RABEPK: variants seen among roughly 807,000 people sequenced by gnomAD.
RABEPK encodes the protein 40 kDa Rab9 effector protein.
In RABEPK, 27 loss-of-function variants were observed where a neutral mutation model predicts 34.1. That is an observed-to-expected ratio of 0.79 (90% CI 0.58 to 1.09). The LOEUF (loss-of-function observed/expected upper bound fraction) is 1.09. Among genes scored for constraint, RABEPK ranks in the 50% least tolerant of loss-of-function variants. The probability of loss-of-function intolerance (pLI) is 0.00; values close to 1 mark genes in which losing one functional copy is unlikely to be tolerated. For synonymous variants in RABEPK, 172 were observed against 169.2 expected (o/e 1.02, Z -0.13); for missense variants, 449 against 462.6 (o/e 0.97, Z 0.27).
At chr9:125,230,872 G>A (rs115856379) in intron 6 of RABEPK, among the ~76,000 whole-genome samples, 1,918 of 152,040 alleles carry the variant, frequency 0.013, 41 homozygotes, top group African/African-American at 0.044. Context: ...CATTCCTTGC[G>A]GGCAGTCAGA....
At chr9:125,207,854 G>T in intron 3 of RABEPK, 133 bp downstream of exon 3, 1 of 1,098,540 alleles carries the variant, frequency 9.1e-7, no homozygotes, top group Non-Finnish European at 1.3e-6. Flanking sequence ...GACCAGGTGT[G>T]GTGGCTCACG....
chr9:125,216,476 T>G (rs1356834384), intron 4 of RABEPK, among the ~76,000 whole-genome samples: 7 of 152,158 alleles, frequency 4.6e-5, no homozygotes, highest in Non-Finnish European at 1.0e-4. Flanking sequence ...GACCAAATTT[T>G]CTTATATGTC....
At chr9:125,223,725 TAAAAA>T (rs35661565) in intron 5 of RABEPK, among the ~76,000 whole-genome samples, 61 of 119,700 alleles carry the variant, frequency 5.1e-4, no homozygotes, top group Admixed American at 7.0e-4. Context: ...ACCCTGACTC[TAAAAA>T]AAAAAAAAAA....
chr9:125,210,841 T>C (rs1437057957), intron 3 of RABEPK, among the ~76,000 whole-genome samples: 1 of 134,650 alleles, frequency 7.4e-6, no homozygotes, highest in East Asian at 2.2e-4. Flanking sequence ...AATCTTAAGT[T>C]TTGTTTTTTT....
intron 4 of RABEPK, 94 bp downstream of exon 4, chr9:125,213,616 A>G: frequency 8.9e-7 from 1 of 1,118,882 alleles, no homozygotes; most frequent in South Asian, 1.7e-5. Context: ...TAATTCCAGT[A>G]CATTTGGATT....
At chr9:125,207,791 C>T in intron 3 of RABEPK, 70 bp downstream of exon 3, 1 of 1,552,212 alleles carries the variant, frequency 6.4e-7, no homozygotes, top group East Asian at 2.3e-5. Context: ...TAGCCATGAG[C>T]AGGGCATTCC....
At chr9:125,222,902 C>A (rs1831451686) in intron 5 of RABEPK, among the ~76,000 whole-genome samples, 1 of 152,082 alleles carries the variant, frequency 6.6e-6, no homozygotes, top group Admixed American at 6.6e-5. Context: ...AAACTCCTAG[C>A]CTCAAGTGAT....
chr9:125,203,992 A>G (rs966312614), intron 2 of RABEPK, among the ~76,000 whole-genome samples: 2 of 137,804 alleles, frequency 1.5e-5, no homozygotes, highest in African/African-American at 5.5e-5. Context: ...AGATCATGCC[A>G]CTGTACTCCA....
intron 5 of RABEPK, 130 bp from the exon 6 acceptor site, chr9:125,227,780 A>G: frequency 2.8e-6 from 2 of 706,100 alleles, no homozygotes; most frequent in Non-Finnish European, 2.1e-6. Context: ...AGTTGGAGTG[A>G]ATGACCCCAG....
chr9:125,220,321 T>C (rs1831233929), intron 4 of RABEPK: 1 of 1,442,196 alleles, frequency 6.9e-7, no homozygotes, highest in African/African-American at 1.4e-5. Context: ...ATTCTTGTGC[T>C]TACAGCTTTT....
chr9:125,231,554 G>C (rs1246209466), intron 6 of RABEPK, among the ~76,000 whole-genome samples: 1 of 152,072 alleles, frequency 6.6e-6, no homozygotes, highest in East Asian at 1.9e-4. Flanking sequence ...TGTAATCCCA[G>C]CACTCTGGGA....
chr9:125,224,225 A>C (rs1406115050), intron 5 of RABEPK, among the ~76,000 whole-genome samples: 4 of 151,478 alleles, frequency 2.6e-5, no homozygotes, highest in South Asian at 2.1e-4. Flanking sequence ...AAAAAAAAAA[A>C]CAACAGAGTT....
Position 125,200,669 on chromosome 9 carries a change from G to A in RABEPK, c.-244G>A. The A allele has an allele frequency of 2.1e-6, 1 of 471,192 alleles. No homozygotes were observed. Among genetic ancestry groups the A allele is most frequent in the South Asian group, 1.5e-5 (1 of 64,578 alleles). The allele number at this position is 471,192 out of a possible 1,614,324, so 29.2% of individuals were successfully genotyped here. A position where few individuals can be genotyped will look rare whatever the true frequency, so the allele number is the denominator to read the frequency against. On this transcript the variant is annotated 5_prime_UTR_variant, in exon 1 of 8. Transcript: ENST00000373538. ...GGCAGGGAGTCTGAATCTTTTAGGGGAGTGGGCCCAAGCCGGGTGCAAAGA... is the reference window on the plus strand; with the variant it reads ...GGCAGGGAGTCTGAATCTTTTAGGGAAGTGGGCCCAAGCCGGGTGCAAAGA...
intron 3 of RABEPK, among the ~76,000 whole-genome samples, chr9:125,212,703 A>G (rs1830667103): frequency 6.7e-6 from 1 of 149,420 alleles, no homozygotes; most frequent in South Asian, 2.1e-4. Flanking sequence ...AGACTGGAGT[A>G]CAGTGGCACA....
chr9:125,209,640 G>A (rs1830462103), intron 3 of RABEPK, among the ~76,000 whole-genome samples: 3 of 151,988 alleles, frequency 2.0e-5, no homozygotes, highest in Non-Finnish European at 2.9e-5. Context: ...GTGAGCCACC[G>A]AGCCCGGCCC....
intron 3 of RABEPK, among the ~76,000 whole-genome samples, chr9:125,210,036 C>T (rs1830484776): frequency 6.6e-6 from 1 of 152,174 alleles, no homozygotes; most frequent in Non-Finnish European, 1.5e-5. Flanking sequence ...GTATCCCAGA[C>T]ACTACCACAG....
At chr9:125,204,031 CAAAAAAAAAAAA>C (rs111335703) in intron 2 of RABEPK, among the ~76,000 whole-genome samples, 1 of 82,190 alleles carries the variant, frequency 1.2e-5, no homozygotes, top group African/African-American at 4.7e-5. Context: ...GAATCCGTTT[CAAAAAAAAAAAA>C]AAAAAAAAAG....
intron 6 of RABEPK, among the ~76,000 whole-genome samples, chr9:125,231,843 T>C (rs1832201663): frequency 6.6e-6 from 1 of 150,834 alleles, no homozygotes; most frequent in Admixed American, 6.6e-5. Flanking sequence ...GAAAATTAAG[T>C]GAGCAAAATT....
At chr9:125,231,762 C>G (rs1832194791) in intron 6 of RABEPK, among the ~76,000 whole-genome samples, 1 of 150,336 alleles carries the variant, frequency 6.7e-6, no homozygotes, top group African/African-American at 2.5e-5. Context: ...CCAGGCTGGG[C>G]AACAGAGCGG....
Sources: allele counts gnomAD v4.1 joint callset (sites outside exome capture counted in the v4.1 genomes callset), GRCh38; gene constraint gnomAD v4.1.1; transcripts MANE v1.5; gene names NCBI Gene and HGNC (gene_info 2026-07-23, HGNC 2026-07-21).